FBXL17: variants seen among roughly 807,000 people sequenced by gnomAD.
FBXL17 encodes F-box/LRR-repeat protein 17.
A neutral mutation model predicts 66.2 loss-of-function variants in FBXL17; 22 were observed. The observed-to-expected ratio is 0.33, with a 90% CI of 0.24 to 0.47. The LOEUF (loss-of-function observed/expected upper bound fraction) is 0.47, where lower values mean the gene tolerates loss of function less well. FBXL17 is among the 20% of genes least tolerant of loss of function. The pLI, the probability that FBXL17 is intolerant of heterozygous loss-of-function variation, is 1.00. For synonymous variants in FBXL17, 474 were observed against 400.5 expected (o/e 1.18, Z -2.19); for missense variants, 878 against 948.2 (o/e 0.93, Z 0.97).
intron 5 of FBXL17, among the ~76,000 whole-genome samples, chr5:108,192,308 T>C (rs1753500069): frequency 6.6e-6 from 1 of 152,214 alleles, no homozygotes; most frequent in African/African-American, 2.4e-5. Flanking sequence ...AGCAAAGCCT[T>C]ACAATCAAGA....
intron 6 of FBXL17, among the ~76,000 whole-genome samples, chr5:108,132,045 C>T (rs1257002270): frequency 2.7e-5 from 4 of 150,800 alleles, no homozygotes; most frequent in South Asian, 2.1e-4. Flanking sequence ...GGCATGATCT[C>T]GGTTCATCGC....
chr5:108,174,455 G>T (rs1395874539), intron 6 of FBXL17, among the ~76,000 whole-genome samples: 2 of 152,076 alleles, frequency 1.3e-5, no homozygotes, highest in Admixed American at 6.5e-5. Context: ...TAAATTAATT[G>T]CTTTGCTGAT....
intron 7 of FBXL17, among the ~76,000 whole-genome samples, chr5:107,935,427 G>GTGTC (rs1299132380): frequency 2.0e-5 from 3 of 151,786 alleles, no homozygotes; most frequent in Admixed American, 6.6e-5. Flanking sequence ...GTGTGTGTGT[G>GTGTC]TGTATGTGTA....
chr5:108,024,941 G>C (rs978193037), intron 6 of FBXL17, among the ~76,000 whole-genome samples: 1 of 151,884 alleles, frequency 6.6e-6, no homozygotes, highest in African/African-American at 2.4e-5. Flanking sequence ...TTATGTGAAG[G>C]GTAAAGGTTA....
intron 5 of FBXL17, among the ~76,000 whole-genome samples, chr5:108,196,735 G>A (rs973695201): frequency 2.0e-5 from 3 of 152,130 alleles, no homozygotes; most frequent in African/African-American, 7.2e-5. Flanking sequence ...GCGGCTACAT[G>A]CTTTTAAAGT....
intron 6 of FBXL17, among the ~76,000 whole-genome samples, chr5:108,173,693 G>T (rs1237015317): frequency 6.6e-6 from 1 of 152,144 alleles, no homozygotes; most frequent in African/African-American, 2.4e-5. Context: ...AAAGACAGAG[G>T]TAAAGGAAAG....
chr5:108,001,677 T>G (rs1753736328), intron 7 of FBXL17, among the ~76,000 whole-genome samples: 3 of 152,080 alleles, frequency 2.0e-5, no homozygotes, highest in South Asian at 4.2e-4. Context: ...ATTTTCCATA[T>G]TTCTAGTAGA....
intron 6 of FBXL17, among the ~76,000 whole-genome samples, chr5:108,122,141 T>A (rs188965396): frequency 1.3e-5 from 2 of 152,098 alleles, no homozygotes; most frequent in African/African-American, 2.4e-5. Context: ...ACTATATATA[T>A]CATAATATTA....
chr5:108,275,535 C>T (rs569622539), intron 4 of FBXL17, among the ~76,000 whole-genome samples: 146 of 152,278 alleles, frequency 9.6e-4, no homozygotes, highest in African/African-American at 3.5e-3. Context: ...GTTTTACTAT[C>T]TTTGCTATCA....
At chr5:108,112,938 C>A (rs1365837169) in intron 6 of FBXL17, among the ~76,000 whole-genome samples, 1 of 150,020 alleles carries the variant, frequency 6.7e-6, no homozygotes, top group Non-Finnish European at 1.5e-5. Flanking sequence ...TCACTGGTCC[C>A]AAACTTTTTC....
intron 4 of FBXL17, among the ~76,000 whole-genome samples, chr5:108,271,372 T>C (rs777240887): frequency 2.0e-5 from 3 of 152,174 alleles, no homozygotes; most frequent in African/African-American, 7.2e-5. Context: ...TGCTACAAGC[T>C]AGAGGAGGCA....
chr5:108,337,983 G>C (rs1322866988), intron 4 of FBXL17, among the ~76,000 whole-genome samples: 2 of 151,718 alleles, frequency 1.3e-5, no homozygotes, highest in Admixed American at 1.3e-4. Flanking sequence ...ATGTATACTA[G>C]ATCTGATGAA....
chr5:108,036,915 G>GACT (rs1746863684), intron 6 of FBXL17, among the ~76,000 whole-genome samples: 2 of 152,070 alleles, frequency 1.3e-5, no homozygotes, highest in African/African-American at 4.8e-5. Context: ...TAGGCATGAG[G>GACT]ACTGGTTTGC....
At chr5:108,303,246 G>A (rs1758673965) in intron 4 of FBXL17, among the ~76,000 whole-genome samples, 1 of 151,642 alleles carries the variant, frequency 6.6e-6, no homozygotes, top group Non-Finnish European at 1.5e-5. Flanking sequence ...AAAACAGGCT[G>A]TAAAATGCAT....
At chr5:108,015,017 C>A (rs764354925) in intron 7 of FBXL17, among the ~76,000 whole-genome samples, 26 of 152,100 alleles carry the variant, frequency 1.7e-4, no homozygotes, top group Non-Finnish European at 3.7e-4. Flanking sequence ...TTGGGTCTCT[C>A]CCACAACACA....
intron 8 of FBXL17, among the ~76,000 whole-genome samples, chr5:107,875,395 T>G (rs1748590276): frequency 6.6e-6 from 1 of 152,224 alleles, no homozygotes; most frequent in Admixed American, 6.5e-5. Flanking sequence ...CTAAACAAGC[T>G]GATAAAAACT....
chr5:107,955,151 T>C (rs1751621075), intron 7 of FBXL17, among the ~76,000 whole-genome samples: 1 of 152,048 alleles, frequency 6.6e-6, no homozygotes, highest in Non-Finnish European at 1.5e-5. Flanking sequence ...TATTTCTTGA[T>C]TTTTTAAAAA....
intron 6 of FBXL17, among the ~76,000 whole-genome samples, chr5:108,111,559 T>G (rs566292444): frequency 6.6e-6 from 1 of 152,344 alleles, no homozygotes; most frequent in African/African-American, 2.4e-5. Context: ...CATTCTTAAG[T>G]ATTTATTGAA....
chr5:108,135,961 A>G (rs1293807087), intron 6 of FBXL17, among the ~76,000 whole-genome samples: 1 of 152,138 alleles, frequency 6.6e-6, no homozygotes, highest in Non-Finnish European at 1.5e-5. Flanking sequence ...TTTATGGGCC[A>G]TGGCAAGTAT....
Sources: gnomAD v4.1 joint callset for allele counts (sites outside exome capture counted in the v4.1 genomes callset) on GRCh38, gnomAD v4.1.1 for gene constraint, MANE v1.5 for transcripts, NCBI Gene and HGNC (gene_info 2026-07-23, HGNC 2026-07-21) for gene names.